Variants in PRR5L observed in about 807,000 individuals in gnomAD.
PRR5L encodes proline-rich protein 5-like.
PRR5L carries 21 observed loss-of-function variants against 36.4 expected under a neutral mutation model. The observed-to-expected ratio is 0.58, with a 90% CI of 0.41 to 0.83. The LOEUF (loss-of-function observed/expected upper bound fraction) is 0.83. PRR5L is among the 40% of genes least tolerant of loss of function. The probability of loss-of-function intolerance (pLI) is 0.00; values close to 1 mark genes in which losing one functional copy is unlikely to be tolerated. For synonymous variants in PRR5L, 188 were observed against 197.0 expected (o/e 0.95, Z 0.38); for missense variants, 381 against 473.3 (o/e 0.80, Z 1.81).
intron 1 of PRR5L, among the ~76,000 whole-genome samples, chr11:36,340,181 C>A (rs1463737647): frequency 6.6e-6 from 1 of 152,158 alleles, no homozygotes; most frequent in African/African-American, 2.4e-5. Context: ...CTGTCCAGCC[C>A]AGTATTTAAT....
At chr11:36,454,874 C>T (rs1393644518) in intron 8 of PRR5L, 1 of 152,228 alleles carries the variant, frequency 6.6e-6, no homozygotes, top group East Asian at 1.9e-4. Context: ...CCGCTCTCTC[C>T]AAAGCAGCCA....
intron 4 of PRR5L, among the ~76,000 whole-genome samples, chr11:36,430,351 G>T (rs1858468379): frequency 6.6e-6 from 1 of 152,208 alleles, no homozygotes; most frequent in African/African-American, 2.4e-5. Context: ...GACAGAGGTT[G>T]CAGTGAGCCA....
intron 1 of PRR5L, among the ~76,000 whole-genome samples, chr11:36,313,720 G>A (rs1856527568): frequency 6.6e-6 from 1 of 152,202 alleles, no homozygotes; most frequent in Non-Finnish European, 1.5e-5. Context: ...TTAACAGCAT[G>A]ATTGACCTTG....
chr11:36,452,781 G>C (rs1007628085), intron 8 of PRR5L, among the ~76,000 whole-genome samples: 1 of 152,192 alleles, frequency 6.6e-6, no homozygotes, highest in Non-Finnish European at 1.5e-5. Flanking sequence ...TGCCAGTGTA[G>C]AGGAAGAAAA....
At chr11:36,424,179 T>A (rs1858330723) in intron 4 of PRR5L, among the ~76,000 whole-genome samples, 1 of 152,238 alleles carries the variant, frequency 6.6e-6, no homozygotes. Context: ...GGCAAATCTT[T>A]ATCCTCATTG....
chr11:36,319,372 T>G (rs1224220170), intron 1 of PRR5L, among the ~76,000 whole-genome samples: 5 of 152,266 alleles, frequency 3.3e-5, no homozygotes, highest in Middle Eastern at 3.4e-3. Context: ...GATGGACGGA[T>G]TGGGTTTTAG....
At chr11:36,385,620 G>T (rs573913523) in intron 1 of PRR5L, among the ~76,000 whole-genome samples, 1 of 152,298 alleles carries the variant, frequency 6.6e-6, no homozygotes, top group South Asian at 2.1e-4. Context: ...TTCCAGTAGC[G>T]CCTGAGAAAG....
At chr11:36,395,818 C>A (rs112366079) in intron 1 of PRR5L, among the ~76,000 whole-genome samples, 4,801 of 152,062 alleles carry the variant, frequency 0.032, 255 homozygotes, top group African/African-American at 0.11. Flanking sequence ...AACTCCTGGG[C>A]CCAAGCGATC....
intron 1 of PRR5L, among the ~76,000 whole-genome samples, chr11:36,324,993 T>C (rs1053763902): frequency 4.6e-5 from 7 of 152,200 alleles, no homozygotes; most frequent in Non-Finnish European, 1.0e-4. Flanking sequence ...CAGGGGTCCT[T>C]GCTCCCAGAG....
At chr11:36,359,621 A>C (rs983171905) in intron 1 of PRR5L, among the ~76,000 whole-genome samples, 4 of 152,258 alleles carry the variant, frequency 2.6e-5, no homozygotes, top group African/African-American at 9.6e-5. Flanking sequence ...TAAGATACAG[A>C]CATGATGATT....
intron 3 of PRR5L, among the ~76,000 whole-genome samples, chr11:36,407,995 C>G (rs1344919255): frequency 1.3e-5 from 2 of 152,142 alleles, no homozygotes; most frequent in African/African-American, 4.8e-5. Context: ...ATCTGTCAGG[C>G]CAGGTGCGGT....
At position 36,462,907 on chromosome 11, in the gene PRR5L, T is replaced by C. The variant is rs146406062; in HGVS notation, c.*171T>C. On this transcript the variant is annotated 3_prime_UTR_variant, in exon 9 of 9. Transcript: ENST00000530639. ...GGGAAACCGTTGTTGTAAACCTCTT[T>C]ATTTTGGTGACTGTGACCACTTCTT... 1.1e-3 allele frequency: 611 copies of C among 579,998 alleles called. 6 individuals are homozygous for C. The highest frequency in any genetic ancestry group is 9.3e-3 in the African/African-American group (488 of 52,594). The allele number at this position is 579,998 out of a possible 1,614,324, so 35.9% of individuals were successfully genotyped here.
In PRR5L at chr11:36,337,733, C is replaced by T. The variant is rs1436950456; in HGVS notation, c.-126+41295C>T. On this transcript the variant is annotated intron_variant, in intron 1 of 8. Transcript: ENST00000530639. ...CACCACATATTCATCTTACAACCTG[C>T]CTGCTCCTAAACTTCCAATGGTTGC... Among the ~76,000 whole-genome samples, 3 of 152,318 alleles carry T rather than the reference C, an allele frequency of 2.0e-5. No homozygotes were observed. In the East Asian group the frequency reaches 5.8e-4, roughly 29 times the overall value.
chr11:36,343,911 T>C (rs1429256651), intron 1 of PRR5L, among the ~76,000 whole-genome samples: 1 of 152,056 alleles, frequency 6.6e-6, no homozygotes, highest in Non-Finnish European at 1.5e-5. Context: ...TGTTGTTTTT[T>C]TTTTTTTAAA....
intron 1 of PRR5L, among the ~76,000 whole-genome samples, chr11:36,326,262 C>G (rs894550861): frequency 6.6e-6 from 1 of 150,782 alleles, no homozygotes; most frequent in African/African-American, 2.4e-5. Flanking sequence ...AATGTTATAA[C>G]TTTTTATCCC....
chr11:36,456,117 G>C (rs2133632965), intron 8 of PRR5L, among the ~76,000 whole-genome samples: 1 of 152,318 alleles, frequency 6.6e-6, no homozygotes, highest in East Asian at 1.9e-4. Flanking sequence ...ACAGAGGGCT[G>C]AGCACAGAGG....
intron 8 of PRR5L, among the ~76,000 whole-genome samples, chr11:36,453,478 G>A (rs1362230843): frequency 6.6e-6 from 1 of 152,194 alleles, no homozygotes; most frequent in African/African-American, 2.4e-5. Context: ...TTTTATTCTT[G>A]TACCTAGGAC....
At chr11:36,325,960 T>C (rs7129893) in intron 1 of PRR5L, among the ~76,000 whole-genome samples, 17,945 of 152,186 alleles carry the variant, frequency 0.12, 1,519 homozygotes, top group African/African-American at 0.24. Flanking sequence ...GCTGAGGTTT[T>C]GTTTGTTTGT....
rs5791106 is a variant in PRR5L, at chr11:36,425,818, GA to G, written c.295-6024del. 1,373 of 147,952 alleles carry G rather than the reference GA, an allele frequency of 9.3e-3. 29 individuals are homozygous for G. The highest frequency in any genetic ancestry group is 0.031 in the African/African-American group (1,265 of 40,418). 9.2% of individuals were successfully genotyped at this position (147,952 alleles called of 1,614,324 possible). A position where few individuals can be genotyped will look rare whatever the true frequency, so the allele number is the denominator to read the frequency against. ...TGGCTGGCCTTTCAAAGTCATAGAG[GA>G]AAAAAAAAAACTGGAAGTGGCCTAT... is the stretch of plus-strand genomic sequence containing the variant. On this transcript the variant is annotated intron_variant, in intron 4 of 8. Coordinates refer to ENST00000530639, the MANE Select transcript of PRR5L (RefSeq NM_001160167.2).
Sources: allele counts gnomAD v4.1 joint callset (sites outside exome capture counted in the v4.1 genomes callset), GRCh38; gene constraint gnomAD v4.1.1; transcripts MANE v1.5; gene names NCBI Gene and HGNC (gene_info 2026-07-23, HGNC 2026-07-21).